Variants in BPI observed in about 807,000 individuals in gnomAD.
BPI encodes bactericidal permeability-increasing protein.
BPI carries 48 observed loss-of-function variants against 57.6 expected under a neutral mutation model. The ratio of observed to expected loss-of-function variants is 0.83; its 90% CI spans 0.66 to 1.06. BPI has a LOEUF of 1.06. Ranked by LOEUF, BPI falls within the 50% of genes least tolerant of loss-of-function variation. BPI has a pLI of 0.00. For synonymous variants in BPI, 237 were observed against 238.2 expected (o/e 0.99, Z 0.05); for missense variants, 651 against 609.7 (o/e 1.07, Z -0.71).
chr20:38,318,438 T>C lies in BPI; in HGVS notation c.626T>C (p.Val209Ala), dbSNP rs767382698. 4.3e-6 allele frequency: 7 copies of C among 1,613,940 alleles called. No homozygotes were observed. The highest frequency in any genetic ancestry group is 3.3e-5 in the South Asian group (3 of 91,070). Residue 209 changes from valine (V) to alanine (A), a missense_variant, in exon 6 of 15, where the codon GTA becomes GCA. Transcript: ENST00000642449. ...SQVCEKVTNSVSSELQPYFQT... is the reference protein window; with the variant it reads ...SQVCEKVTNSASSELQPYFQT... The stretch of plus-strand genomic sequence containing the variant: ...GTCTGCGAGAAAGTGACCAATTCTG[T>C]ATCCTCCGAGCTGCAACCTTATTTC...
chr20:38,324,173 T>C, intron 8 of BPI, 127 bp downstream of exon 8: 2 of 1,148,728 alleles, frequency 1.7e-6, no homozygotes, highest in Non-Finnish European at 2.4e-6. Context: ...TAGAGTCAGC[T>C]AGAGCTGAGT....
intron 3 of BPI, among the ~76,000 whole-genome samples, chr20:38,309,613 T>C (rs1195264190): frequency 1.3e-5 from 2 of 152,184 alleles, no homozygotes; most frequent in African/African-American, 4.8e-5. Flanking sequence ...CCAAATCATT[T>C]CACGTGGCCA....
intron 6 of BPI, among the ~76,000 whole-genome samples, chr20:38,319,442 A>C (rs2076669750): frequency 1.3e-5 from 2 of 152,168 alleles, no homozygotes; most frequent in African/African-American, 4.8e-5. Context: ...CACATAGTAT[A>C]TGCCCATTTA....
At chr20:38,306,222 G>A (rs2076595991) in intron 1 of BPI, among the ~76,000 whole-genome samples, 1 of 151,960 alleles carries the variant, frequency 6.6e-6, no homozygotes, top group Non-Finnish European at 1.5e-5. Flanking sequence ...TAGTAGAGAC[G>A]GGGTTTCACC....
chr20:38,320,368 C>A, intron 7 of BPI, 94 bp downstream of exon 7: 1 of 1,147,888 alleles, frequency 8.7e-7, no homozygotes, highest in South Asian at 1.4e-5. Context: ...ACAATGTCCC[C>A]TACTTCCTAT....
In BPI at chr20:38,312,001, C is replaced by G. The variant is rs1040835269; in HGVS notation, c.600+64C>G. 9.3e-6 allele frequency: 14 copies of G among 1,503,470 alleles called. No homozygotes were observed. The Admixed American group carries it at 1.2e-4, about 13-fold the overall frequency. The allele number at this position is 1,503,470 out of a possible 1,614,324, so 93.1% of individuals were successfully genotyped here. A position where few individuals can be genotyped will look rare whatever the true frequency, so the allele number is the denominator to read the frequency against. ...AAGGGCCCTTAGTAACCACACACCT[C>G]CCCCTTCTACGGACACTCTGCTGTC... On this transcript the variant is annotated intron_variant, in intron 5 of 14. Transcript: ENST00000642449.
At chr20:38,306,118 G>A (rs558809789) in intron 1 of BPI, among the ~76,000 whole-genome samples, 195 of 152,266 alleles carry the variant, frequency 1.3e-3, no homozygotes, top group Admixed American at 3.1e-3. Flanking sequence ...TGCAACCTCT[G>A]CCTCCGGGGT....
intron 2 of BPI, 111 bp downstream of exon 2, chr20:38,307,792 C>G: frequency 1.1e-6 from 1 of 912,970 alleles, no homozygotes; most frequent in Non-Finnish European, 1.7e-6. Flanking sequence ...GTTTCATATC[C>G]CAAAGCCTGC....
At chr20:38,328,253 G>A (rs1279467646) in intron 11 of BPI, among the ~76,000 whole-genome samples, 3 of 152,162 alleles carry the variant, frequency 2.0e-5, no homozygotes, top group Non-Finnish European at 2.9e-5. Flanking sequence ...TTCTCCGACT[G>A]TCAAATAAGC....
chr20:38,325,163 C>G (rs192956737), intron 9 of BPI, among the ~76,000 whole-genome samples: 1 of 152,172 alleles, frequency 6.6e-6, no homozygotes, highest in Non-Finnish European at 1.5e-5. Context: ...AGCTCCCAGA[C>G]CAGTGGAGAG....
intron 7 of BPI, among the ~76,000 whole-genome samples, chr20:38,322,858 C>T (rs2076693423): frequency 6.6e-6 from 1 of 152,178 alleles, no homozygotes; most frequent in South Asian, 2.1e-4. Context: ...GATGCACCTG[C>T]CTTGGCCTCC....
chr20:38,316,188 C>T (rs1170664087), intron 5 of BPI, among the ~76,000 whole-genome samples: 1 of 152,106 alleles, frequency 6.6e-6, no homozygotes, highest in Non-Finnish European at 1.5e-5. Flanking sequence ...TTCTCCCTTT[C>T]TTCCTTCCTT....
At chr20:38,327,747 ATTG>A (rs2122552568) in intron 11 of BPI, 92 bp downstream of exon 11, 1 of 1,434,548 alleles carries the variant, frequency 7.0e-7, no homozygotes, top group Non-Finnish European at 9.7e-7. Context: ...GAAGCACTGC[ATTG>A]TTGTTTTCCT....
At chr20:38,307,474 C>T (rs577465742) in intron 1 of BPI, 93 bp from the exon 2 acceptor site, 24 of 890,332 alleles carry the variant, frequency 2.7e-5, no homozygotes, top group Middle Eastern at 6.8e-4. Flanking sequence ...GTCCATGCTA[C>T]GAACAGGGGC....
intron 5 of BPI, among the ~76,000 whole-genome samples, chr20:38,312,169 GC>G (rs2076625200): frequency 1.3e-5 from 2 of 151,556 alleles, no homozygotes; most frequent in African/African-American, 4.8e-5. Flanking sequence ...TTTCCCTCAT[GC>G]CAAGCTTGGG....
At chr20:38,310,328 T>C (rs6024767) in intron 3 of BPI, among the ~76,000 whole-genome samples, 163 bp from the exon 4 acceptor site, 149,975 of 152,312 alleles carry the variant, frequency 0.98, 74,038 homozygotes, top group African/African-American at 1. Flanking sequence ...GACTCTCCCA[T>C]TCGGCTGCTA....
intron 5 of BPI, chr20:38,317,815 C>T: frequency 6.6e-7 from 1 of 1,505,750 alleles, no homozygotes; most frequent in Non-Finnish European, 8.9e-7. Flanking sequence ...GTGTCAAAGT[C>T]AGTGTGTGGC....
At chr20:38,335,441 G>A in intron 13 of BPI, 157 bp from the exon 14 acceptor site, 1 of 668,764 alleles carries the variant, frequency 1.5e-6, no homozygotes, top group East Asian at 2.6e-5. Flanking sequence ...GGACTCTGGG[G>A]CAGCCTTCCT....
At chr20:38,308,254 A>G (rs1465899200) in intron 2 of BPI, among the ~76,000 whole-genome samples, 3 of 152,230 alleles carry the variant, frequency 2.0e-5, no homozygotes, top group Non-Finnish European at 2.9e-5. Context: ...CAATCACTGT[A>G]GCCAGGGAAT....
Sources: gnomAD v4.1 joint callset for allele counts (sites outside exome capture counted in the v4.1 genomes callset) on GRCh38, gnomAD v4.1.1 for gene constraint, MANE v1.5 for transcripts, NCBI Gene and HGNC (gene_info 2026-07-23, HGNC 2026-07-21) for gene names.